The following CALCR variants were observed in gnomAD, a reference collection of about 807,000 sequenced individuals.
CALCR encodes calcitonin receptor.
In CALCR, 47 loss-of-function variants were observed where a neutral mutation model predicts 59.5. The observed-to-expected ratio is 0.79, with a 90% confidence interval of 0.63 to 1.01. The LOEUF is 1.01. Ranked by LOEUF, CALCR falls within the 50% of genes least tolerant of loss-of-function variation. The probability of loss-of-function intolerance (pLI) is 0.00; values close to 1 mark genes in which losing one functional copy is unlikely to be tolerated. For synonymous variants in CALCR, 213 were observed against 211.3 expected (o/e 1.01, Z -0.07); for missense variants, 566 against 597.1 (o/e 0.95, Z 0.54).
At chr7:93,437,970 TATAAAAC>T (rs1369066639) in intron 11 of CALCR, 83 bp downstream of exon 11, 2 of 1,128,734 alleles carry the variant, frequency 1.8e-6, no homozygotes. Flanking sequence ...ATTTTGAAGT[TATAAAAC>T]ATATGATACA....
intron 2 of CALCR, among the ~76,000 whole-genome samples, chr7:93,532,921 A>G (rs1407277926): frequency 6.6e-6 from 1 of 150,770 alleles, no homozygotes; most frequent in African/African-American, 2.4e-5. Flanking sequence ...GAGGGTGATA[A>G]TAGTACTTGC....
intron 8 of CALCR, among the ~76,000 whole-genome samples, chr7:93,449,007 C>G (rs546882079): frequency 6.6e-6 from 1 of 152,048 alleles, no homozygotes; most frequent in East Asian, 1.9e-4. Context: ...ACATTACCCA[C>G]TATACAAACA....
chr7:93,509,700 C>A (rs1801502944), intron 2 of CALCR, among the ~76,000 whole-genome samples: 1 of 152,104 alleles, frequency 6.6e-6, no homozygotes, highest in Non-Finnish European at 1.5e-5. Flanking sequence ...TCAAGCTAAT[C>A]TTATTTATTC....
chr7:93,444,371 G>C (rs949258557), intron 8 of CALCR, among the ~76,000 whole-genome samples: 1 of 152,090 alleles, frequency 6.6e-6, no homozygotes, highest in African/African-American at 2.4e-5. Context: ...GCAGACGTAG[G>C]AGCCACACCC....
At chr7:93,534,700 C>A (rs1788941477) in intron 2 of CALCR, among the ~76,000 whole-genome samples, 1 of 151,638 alleles carries the variant, frequency 6.6e-6, no homozygotes, top group Non-Finnish European at 1.5e-5. Flanking sequence ...TCTTCTGAAA[C>A]TGGAGTTTCA....
At chr7:93,503,017 G>T in intron 2 of CALCR, among the ~76,000 whole-genome samples, 1 of 151,898 alleles carries the variant, frequency 6.6e-6, no homozygotes, top group Non-Finnish European at 1.5e-5. Context: ...CTGTAATTTT[G>T]CAGCCATGAA....
intron 2 of CALCR, among the ~76,000 whole-genome samples, chr7:93,540,800 T>G (rs1789115198): frequency 6.7e-6 from 1 of 149,852 alleles, no homozygotes. Flanking sequence ...TATAAAAAGT[T>G]ATACATCTTT....
chr7:93,495,493 T>TA (rs1303809441), intron 2 of CALCR, among the ~76,000 whole-genome samples: 1 of 151,346 alleles, frequency 6.6e-6, no homozygotes, highest in Non-Finnish European at 1.5e-5. Flanking sequence ...GTTCTTTACT[T>TA]AAAGTGCCCT....
At chr7:93,486,110 T>C (rs997884200) in intron 3 of CALCR, among the ~76,000 whole-genome samples, 1 of 151,640 alleles carries the variant, frequency 6.6e-6, no homozygotes, top group Non-Finnish European at 1.5e-5. Flanking sequence ...GTATGAGATA[T>C]TGAGTGATCT....
chr7:93,495,619 C>T (rs748317602), intron 2 of CALCR, among the ~76,000 whole-genome samples: 46 of 151,342 alleles, frequency 3.0e-4, no homozygotes, highest in Non-Finnish European at 5.9e-4. Context: ...CTTAGTCATG[C>T]CCTCCTTGAA....
intron 8 of CALCR, among the ~76,000 whole-genome samples, chr7:93,457,382 A>G (rs902297221): frequency 6.6e-6 from 1 of 152,134 alleles, no homozygotes; most frequent in African/African-American, 2.4e-5. Context: ...TTAGTAGCAA[A>G]CTCAGAAAAA....
At chr7:93,544,745 A>T (rs1282183261) in intron 2 of CALCR, among the ~76,000 whole-genome samples, 1 of 152,144 alleles carries the variant, frequency 6.6e-6, no homozygotes, top group African/African-American at 2.4e-5. Flanking sequence ...CAACAGTGTG[A>T]CCTAAATGAC....
At chr7:93,447,323 T>C (rs1238778542) in intron 8 of CALCR, among the ~76,000 whole-genome samples, 1 of 152,060 alleles carries the variant, frequency 6.6e-6, no homozygotes, top group African/African-American at 2.4e-5. Context: ...TTTCCTATTA[T>C]ATTTTTCAAG....
chr7:93,502,332 A>C (rs13231232), intron 2 of CALCR, among the ~76,000 whole-genome samples: 60,685 of 152,048 alleles, frequency 0.4, 12,844 homozygotes, highest in South Asian at 0.48. Context: ...TAAGCGGCAG[A>C]GACAGAACTT....
intron 7 of CALCR, among the ~76,000 whole-genome samples, chr7:93,462,451 T>G (rs1375710822): frequency 6.6e-6 from 1 of 152,080 alleles, no homozygotes; most frequent in Non-Finnish European, 1.5e-5. Context: ...AAAAAATTAC[T>G]TATGTGAAAC....
intron 8 of CALCR, among the ~76,000 whole-genome samples, chr7:93,444,808 T>C (rs1195962558): frequency 6.6e-6 from 1 of 152,112 alleles, no homozygotes; most frequent in Non-Finnish European, 1.5e-5. Flanking sequence ...TTTTACCAAA[T>C]ACTCTGTTTT....
At chr7:93,437,918 A>T (rs769956222) in intron 11 of CALCR, 142 bp downstream of exon 11, 5 of 789,306 alleles carry the variant, frequency 6.3e-6, no homozygotes, top group Non-Finnish European at 1.0e-5. Context: ...GTCTAAAATC[A>T]AATTGCTTTT....
chr7:93,539,209 G>A (rs998300969), intron 2 of CALCR, among the ~76,000 whole-genome samples: 10 of 152,002 alleles, frequency 6.6e-5, no homozygotes, highest in African/African-American at 1.9e-4. Flanking sequence ...TAAATCAAAG[G>A]CCCATCTCTC....
intron 2 of CALCR, among the ~76,000 whole-genome samples, chr7:93,502,595 C>T (rs1225835623): frequency 6.6e-6 from 1 of 152,032 alleles, no homozygotes; most frequent in Non-Finnish European, 1.5e-5. Flanking sequence ...CATCCAGACC[C>T]TTTGACTAAG....
Sources: allele counts gnomAD v4.1 joint callset (sites outside exome capture counted in the v4.1 genomes callset), GRCh38; gene constraint gnomAD v4.1.1; transcripts MANE v1.5; gene names NCBI Gene and HGNC (gene_info 2026-07-23, HGNC 2026-07-21).